Variants in CDH20 observed in about 807,000 individuals in gnomAD.
CDH20 encodes the protein cadherin-20.
A neutral mutation model predicts 74.2 loss-of-function variants in CDH20; 29 were observed. That is an observed-to-expected ratio of 0.39 (90% CI 0.29 to 0.53). CDH20 has a LOEUF of 0.53. Among genes scored for constraint, CDH20 ranks in the 20% least tolerant of loss-of-function variants. The pLI is 0.69. For missense variants in CDH20, 988 were observed against 1,048.3 expected (o/e 0.94, Z 0.79); for synonymous variants, 469 against 405.4 (o/e 1.16, Z -1.88).
chr18:61,372,835 T>C (rs1367188679), intron 1 of CDH20, among the ~76,000 whole-genome samples: 1 of 152,046 alleles, frequency 6.6e-6, no homozygotes, highest in Non-Finnish European at 1.5e-5. Flanking sequence ...TTATAGAAAA[T>C]GTTTGCAGAC....
At chr18:61,402,791 A>C (rs556097930) in intron 1 of CDH20, among the ~76,000 whole-genome samples, 1 of 152,312 alleles carries the variant, frequency 6.6e-6, no homozygotes, top group Non-Finnish European at 1.5e-5. Context: ...GGGGTATTTT[A>C]TGTTTCAATA....
intron 2 of CDH20, among the ~76,000 whole-genome samples, chr18:61,496,572 G>A (rs1381576909): frequency 1.3e-5 from 2 of 152,154 alleles, no homozygotes; most frequent in Non-Finnish European, 2.9e-5. Flanking sequence ...CAGCTCCCAG[G>A]AGTCAGGGGC....
At chr18:61,506,856 G>T (rs1875481584) in intron 5 of CDH20, among the ~76,000 whole-genome samples, 1 of 152,124 alleles carries the variant, frequency 6.6e-6, no homozygotes, top group Admixed American at 6.5e-5. Context: ...TGCTCTCCAC[G>T]GCTGCCCCCC....
intron 1 of CDH20, among the ~76,000 whole-genome samples, chr18:61,343,116 C>A (rs1943185754): frequency 6.6e-6 from 1 of 152,168 alleles, no homozygotes; most frequent in Non-Finnish European, 1.5e-5. Flanking sequence ...TCTTTATATG[C>A]CCTGAACCCA....
chr18:61,468,856 A>C (rs1178450483), intron 1 of CDH20, among the ~76,000 whole-genome samples: 1 of 152,238 alleles, frequency 6.6e-6, no homozygotes, highest in East Asian at 1.9e-4. Flanking sequence ...AAAAATTGCC[A>C]GTAAAAGACT....
At chr18:61,362,252 T>G (rs1021300014) in intron 1 of CDH20, among the ~76,000 whole-genome samples, 1 of 152,218 alleles carries the variant, frequency 6.6e-6, no homozygotes, top group Non-Finnish European at 1.5e-5. Context: ...GTTTAAAAAT[T>G]CTTTTTTCTT....
chr18:61,342,857 C>T (rs181955515), intron 1 of CDH20, among the ~76,000 whole-genome samples: 3 of 152,242 alleles, frequency 2.0e-5, no homozygotes, highest in East Asian at 3.9e-4. Context: ...ATATATCAGA[C>T]AAAACTTTAG....
chr18:61,466,267 T>C (rs1467015967), intron 1 of CDH20, among the ~76,000 whole-genome samples: 2 of 152,150 alleles, frequency 1.3e-5, no homozygotes, highest in East Asian at 3.8e-4. Flanking sequence ...TACAAACAAT[T>C]CCTGTTAGTA....
intron 1 of CDH20, among the ~76,000 whole-genome samples, chr18:61,421,727 A>G (rs1040299526): frequency 1.3e-5 from 2 of 152,200 alleles, no homozygotes; most frequent in East Asian, 3.8e-4. Flanking sequence ...GAATGTATCA[A>G]ATTATCACAT....
chr18:61,547,597 C>A (rs1913295992), intron 10 of CDH20, among the ~76,000 whole-genome samples: 1 of 152,126 alleles, frequency 6.6e-6, no homozygotes, highest in South Asian at 2.1e-4. Flanking sequence ...CCCTCTGATT[C>A]TTATTGTCCC....
chr18:61,494,106 G>A (rs896845463), intron 2 of CDH20, among the ~76,000 whole-genome samples: 2 of 152,172 alleles, frequency 1.3e-5, no homozygotes, highest in East Asian at 1.9e-4. Flanking sequence ...GACTCAGAGA[G>A]GTTATTTATG....
At chr18:61,512,465 T>C (rs1406056319) in intron 6 of CDH20, among the ~76,000 whole-genome samples, 2 of 152,342 alleles carry the variant, frequency 1.3e-5, no homozygotes, top group East Asian at 3.9e-4. Flanking sequence ...TTATGGGTCA[T>C]TTAAGAACAG....
chr18:61,393,042 T>C (rs1440911254), intron 1 of CDH20, among the ~76,000 whole-genome samples: 1 of 152,210 alleles, frequency 6.6e-6, no homozygotes, highest in Non-Finnish European at 1.5e-5. Context: ...AGTGGCCTTA[T>C]TTCCTAAATG....
At chr18:61,531,926 GTC>G (rs1912659231) in intron 7 of CDH20, among the ~76,000 whole-genome samples, 1 of 152,122 alleles carries the variant, frequency 6.6e-6, no homozygotes, top group Non-Finnish European at 1.5e-5. Context: ...TGAACTGTGA[GTC>G]AAACAAACCT....
intron 1 of CDH20, among the ~76,000 whole-genome samples, chr18:61,456,307 A>G (rs1472636868): frequency 1.3e-5 from 2 of 152,164 alleles, no homozygotes; most frequent in African/African-American, 4.8e-5. Flanking sequence ...TATGTTCTCT[A>G]CATGATTTGG....
chr18:61,365,266 T>C (rs1330416583), intron 1 of CDH20, among the ~76,000 whole-genome samples: 1 of 152,224 alleles, frequency 6.6e-6, no homozygotes, highest in Non-Finnish European at 1.5e-5. Flanking sequence ...AAAGACATCA[T>C]TATGAACATT....
intron 1 of CDH20, among the ~76,000 whole-genome samples, chr18:61,377,013 A>G: frequency 6.6e-6 from 1 of 152,118 alleles, no homozygotes; most frequent in Non-Finnish European, 1.5e-5. Context: ...GTAGAGAATA[A>G]TTTATTCTTC....
At chr18:61,340,906 A>C (rs1197176575) in intron 1 of CDH20, among the ~76,000 whole-genome samples, 1 of 152,186 alleles carries the variant, frequency 6.6e-6, no homozygotes, top group East Asian at 1.9e-4. Context: ...GTTTCTTTTT[A>C]ATTTGAAAGG....
At chr18:61,537,681 T>C (rs1446892754) in intron 8 of CDH20, among the ~76,000 whole-genome samples, 1 of 152,196 alleles carries the variant, frequency 6.6e-6, no homozygotes, top group Non-Finnish European at 1.5e-5. Context: ...GTGGTAGGAC[T>C]GTGGATCATA....
Sources: gnomAD v4.1 joint callset for allele counts (sites outside exome capture counted in the v4.1 genomes callset) on GRCh38, gnomAD v4.1.1 for gene constraint, MANE v1.5 for transcripts, NCBI Gene and HGNC (gene_info 2026-07-23, HGNC 2026-07-21) for gene names.